The following SCAF8 variants were observed in gnomAD, a reference collection of about 807,000 sequenced individuals.
The protein encoded by SCAF8 is SR-related and CTD-associated factor 8.
SCAF8 carries 23 observed loss-of-function variants against 140.5 expected under a neutral mutation model. The ratio of observed to expected loss-of-function variants is 0.16; its 90% CI spans 0.12 to 0.23. The LOEUF is 0.23. SCAF8 is among the 10% of genes least tolerant of loss of function. SCAF8 has a pLI of 1.00. For synonymous variants in SCAF8, 575 were observed against 528.9 expected, an observed-to-expected ratio of 1.09 and a Z score of -1.20; for missense variants, 1,397 against 1,555.7, an observed-to-expected ratio of 0.90 and a Z score of 1.72.
At chr6:154,738,936 GTGCATGACCCATTCTTTCCTTTAGT>G (rs1778498117) in intron 1 of SCAF8, among the ~76,000 whole-genome samples, 1 of 152,114 alleles carries the variant, frequency 6.6e-6, no homozygotes, top group Non-Finnish European at 1.5e-5. Context: ...GACAGTGGCA[GTGCATGACCCATTCTTTCCTTTAGT>G]TTGAGAGGGC....
At chr6:154,802,922 C>T (rs1777810841) in intron 7 of SCAF8, among the ~76,000 whole-genome samples, 1 of 152,112 alleles carries the variant, frequency 6.6e-6, no homozygotes, top group Non-Finnish European at 1.5e-5. Flanking sequence ...TAAAGTGTTT[C>T]TAAAACTTAA....
intron 3 of SCAF8, among the ~76,000 whole-genome samples, chr6:154,778,283 T>C (rs2114852815): frequency 6.6e-6 from 1 of 152,308 alleles, no homozygotes; most frequent in East Asian, 1.9e-4. Context: ...TGAGAATCGG[T>C]GTCATGTGGT....
chr6:154,763,344 GA>G (rs1776460456), intron 1 of SCAF8, among the ~76,000 whole-genome samples: 1 of 152,154 alleles, frequency 6.6e-6, no homozygotes, highest in African/African-American at 2.4e-5. Flanking sequence ...AGATTTGGGG[GA>G]TTCTAATCAG....
At chr6:154,805,574 TAA>T in intron 9 of SCAF8, 88 bp downstream of exon 9, 1 of 550,330 alleles carries the variant, frequency 1.8e-6, no homozygotes, top group Non-Finnish European at 3.2e-6. Context: ...TTTTTTTTTT[TAA>T]TTGGTCTTAA....
intron 1 of SCAF8, among the ~76,000 whole-genome samples, chr6:154,736,897 G>C (rs1052051276): frequency 2.0e-5 from 3 of 152,050 alleles, no homozygotes; most frequent in African/African-American, 7.2e-5. Context: ...AGTGGAGTTA[G>C]CTTAAAAATA....
intron 1 of SCAF8, among the ~76,000 whole-genome samples, chr6:154,744,700 G>A (rs183097652): frequency 5.2e-4 from 79 of 152,232 alleles, no homozygotes; most frequent in African/African-American, 1.8e-3. Context: ...TTGGTTGGTT[G>A]TTTTGTTTTT....
At chr6:154,782,748 G>A (rs563731250) in intron 3 of SCAF8, among the ~76,000 whole-genome samples, 2 of 152,262 alleles carry the variant, frequency 1.3e-5, no homozygotes, top group African/African-American at 4.8e-5. Context: ...TCCAGTGTTC[G>A]AGGGCAGGAA....
At chr6:154,830,627 T>A (rs1452322133) in intron 18 of SCAF8, among the ~76,000 whole-genome samples, 1 of 152,236 alleles carries the variant, frequency 6.6e-6, no homozygotes, top group Admixed American at 6.5e-5. Flanking sequence ...TATCTGGCAT[T>A]CCTAGAAAAT....
At chr6:154,827,792 T>A (rs1308779931) in intron 18 of SCAF8, among the ~76,000 whole-genome samples, 1 of 140,508 alleles carries the variant, frequency 7.1e-6, no homozygotes, top group African/African-American at 2.6e-5. Context: ...AGTCTTGCAG[T>A]GCCTTTTTGT....
At chr6:154,737,814 C>G (rs1349712457) in intron 1 of SCAF8, among the ~76,000 whole-genome samples, 2 of 152,136 alleles carry the variant, frequency 1.3e-5, no homozygotes, top group Admixed American at 6.5e-5. Flanking sequence ...AACTCCTGAG[C>G]TCCGGTGATC....
At chr6:154,802,256 G>A (rs1777794106) in intron 7 of SCAF8, 109 bp downstream of exon 7, 3 of 630,574 alleles carry the variant, frequency 4.8e-6, no homozygotes, top group Non-Finnish European at 7.5e-6. Context: ...AGTATCTCCT[G>A]TACACTGTAT....
intron 3 of SCAF8, among the ~76,000 whole-genome samples, chr6:154,784,120 G>GAGAT (rs1362230678): frequency 1.3e-4 from 14 of 106,884 alleles, no homozygotes; most frequent in East Asian, 3.1e-4. Context: ...GGTGTCTTGA[G>GAGAT]ATATATATAT....
At chr6:154,821,182 T>G (rs1671165701) in intron 15 of SCAF8, among the ~76,000 whole-genome samples, 1 of 152,206 alleles carries the variant, frequency 6.6e-6, no homozygotes, top group South Asian at 2.1e-4. Flanking sequence ...AGACAAAAAT[T>G]CTTCCTCTTG....
intron 12 of SCAF8, among the ~76,000 whole-genome samples, chr6:154,815,135 A>C (rs954388033): frequency 6.6e-6 from 1 of 152,022 alleles, no homozygotes; most frequent in African/African-American, 2.4e-5. Flanking sequence ...GTCTCTACTA[A>C]AAATACAAAA....
chr6:154,803,663 T>C, intron 8 of SCAF8, 40 bp downstream of exon 8: 1 of 1,239,104 alleles, frequency 8.1e-7, no homozygotes, highest in South Asian at 1.3e-5. Context: ...TTTTTATATT[T>C]AGTGGGATGT....
At chr6:154,749,314 T>C (rs1778783686) in intron 1 of SCAF8, among the ~76,000 whole-genome samples, 1 of 152,232 alleles carries the variant, frequency 6.6e-6, no homozygotes, top group South Asian at 2.1e-4. Flanking sequence ...TTTTTGAGAT[T>C]GCTTTAATAC....
intron 1 of SCAF8, among the ~76,000 whole-genome samples, chr6:154,734,356 C>T (rs1289274069): frequency 6.6e-6 from 1 of 152,188 alleles, no homozygotes; most frequent in Non-Finnish European, 1.5e-5. Context: ...GAGGCTAACA[C>T]CGATTGGGGG....
intron 18 of SCAF8, among the ~76,000 whole-genome samples, chr6:154,828,577 C>A (rs1778637212): frequency 6.6e-6 from 1 of 151,828 alleles, no homozygotes; most frequent in South Asian, 2.1e-4. Flanking sequence ...ACCTGTGTTG[C>A]CTCCCTGTCA....
Position 154,810,207 on chromosome 6 carries a change from T to C in SCAF8, c.1419T>C (p.Ser473=). The change falls in exon 12 of 20, where the codon AGT becomes AGC. Residue 473 remains serine, a splice_region_variant and synonymous_variant. Coordinates refer to ENST00000367178, the MANE Select transcript of SCAF8 (RefSeq NM_014892.5). ...GLPPIRSKTL[S]VCSTTLWVGQ... ...CTCCAATTAGATCTAAAACACTAAGTGGTAAGTAACATATATCTGCAACGC... is the reference window on the plus strand; with the variant it reads ...CTCCAATTAGATCTAAAACACTAAGCGGTAAGTAACATATATCTGCAACGC... 6.3e-7 allele frequency: 1 copy of C among 1,595,244 alleles called. No individual in the cohort carries two copies. Among genetic ancestry groups the C allele is most frequent in the Non-Finnish European group, 8.5e-7 (1 of 1,170,746 alleles).
Sources: allele counts gnomAD v4.1 joint callset (sites outside exome capture counted in the v4.1 genomes callset), GRCh38; gene constraint gnomAD v4.1.1; transcripts MANE v1.5; gene names NCBI Gene and HGNC (gene_info 2026-07-23, HGNC 2026-07-21).